Variants in SH2D4A observed in about 807,000 individuals in gnomAD.
The protein encoded by SH2D4A is SH2 domain containing 4A, also known as SH2 domain-containing protein 4A.
A neutral mutation model predicts 64.7 loss-of-function variants in SH2D4A; 70 were observed. The ratio of observed to expected loss-of-function variants is 1.08; its 90% CI spans 0.89 to 1.32. SH2D4A has a LOEUF of 1.32. Ranked by LOEUF, SH2D4A falls within the 40% of genes most tolerant of loss-of-function variation. The probability of loss-of-function intolerance (pLI) is 0.00; values close to 1 mark genes in which losing one functional copy is unlikely to be tolerated. For synonymous variants in SH2D4A, 268 were observed against 200.7 expected (o/e 1.34, Z -2.83); for missense variants, 706 against 540.1 (o/e 1.31, Z -3.04).
intron 2 of SH2D4A, among the ~76,000 whole-genome samples, chr8:19,330,046 C>CAAGA (rs1563186998): frequency 6.6e-6 from 1 of 152,166 alleles, no homozygotes; most frequent in South Asian, 2.1e-4. Context: ...CTCTAGGTTA[C>CAAGA]TTGCAGGGGA....
In SH2D4A at chr8:19,356,603, C is replaced by G. The variant is rs148150144; in HGVS notation, c.514-600C>G. Reference sequence around the variant, plus strand: ...TGGCCTGCGGCAGGCAGGAATGACACCAGGGACTTTAGGCAATGAATCTGG... The same window carrying G: ...TGGCCTGCGGCAGGCAGGAATGACAGCAGGGACTTTAGGCAATGAATCTGG... On this transcript the variant is annotated intron_variant, in intron 4 of 9. Transcript: ENST00000265807. Among the ~76,000 whole-genome samples the G allele has an allele frequency of 2.6e-5, 4 of 152,240 alleles. No individual in the cohort carries two copies. The East Asian group carries it at 5.8e-4, about 22-fold the overall frequency.
At chr8:19,379,034 A>C (rs1426568863) in intron 8 of SH2D4A, among the ~76,000 whole-genome samples, 1 of 151,150 alleles carries the variant, frequency 6.6e-6, no homozygotes, top group Non-Finnish European at 1.5e-5. Flanking sequence ...GTGAGCCAAG[A>C]TCACGCCATG....
chr8:19,389,689 G>C (rs2053454424), intron 8 of SH2D4A, among the ~76,000 whole-genome samples: 1 of 152,144 alleles, frequency 6.6e-6, no homozygotes, highest in African/African-American at 2.4e-5. Context: ...TGAAGATATA[G>C]GTCACTAAAC....
chr8:19,386,142 T>C (rs2053388098), intron 8 of SH2D4A, among the ~76,000 whole-genome samples: 1 of 152,220 alleles, frequency 6.6e-6, no homozygotes, highest in East Asian at 1.9e-4. Context: ...CTCCTTTTAG[T>C]ATGAAGGCTT....
intron 8 of SH2D4A, among the ~76,000 whole-genome samples, chr8:19,388,565 AAGG>A (rs1469824081): frequency 6.6e-6 from 1 of 152,230 alleles, no homozygotes; most frequent in Middle Eastern, 3.2e-3. Flanking sequence ...GTGAGGATAA[AAGG>A]AGGTGATACA....
chr8:19,344,869 CA>C (rs2052587680), intron 4 of SH2D4A, among the ~76,000 whole-genome samples: 2 of 152,306 alleles, frequency 1.3e-5, no homozygotes, highest in Admixed American at 1.3e-4. Context: ...ACTCTGTAAA[CA>C]AATGCTGTAG....
At position 19,334,638 on chromosome 8, in the gene SH2D4A, T is replaced by G. The variant is rs752822543; in HGVS notation, c.342-48T>G. 7 of 1,548,976 alleles carry G rather than the reference T, an allele frequency of 4.5e-6. No homozygotes were observed. The Admixed American group carries it at 1.4e-4, about 31-fold the overall frequency. On this transcript the variant is annotated intron_variant, in intron 3 of 9. Coordinates refer to ENST00000265807, the MANE Select transcript of SH2D4A (RefSeq NM_022071.4). ...TCGACATATGCTTTGGAAAGGCTCT[T>G]CCTGTTGAAGAATGTTTTTTGAGAA...
At chr8:19,391,530 G>A (rs886175807) in intron 8 of SH2D4A, among the ~76,000 whole-genome samples, 2 of 152,136 alleles carry the variant, frequency 1.3e-5, no homozygotes, top group Non-Finnish European at 2.9e-5. Flanking sequence ...CGAGGATGTT[G>A]ACTATCTGCA....
intron 2 of SH2D4A, among the ~76,000 whole-genome samples, chr8:19,326,327 G>A (rs1283209565): frequency 1.3e-5 from 2 of 152,184 alleles, no homozygotes; most frequent in East Asian, 3.9e-4. Context: ...TGGTTTCTGG[G>A]TCAGTTGAGG....
At chr8:19,388,196 A>C (rs2053422989) in intron 8 of SH2D4A, among the ~76,000 whole-genome samples, 1 of 152,234 alleles carries the variant, frequency 6.6e-6, no homozygotes, top group Non-Finnish European at 1.5e-5. Flanking sequence ...TTAAAAGCAA[A>C]ACCCCAGAAT....
intron 8 of SH2D4A, among the ~76,000 whole-genome samples, chr8:19,376,485 G>A (rs1405206922): frequency 2.0e-5 from 3 of 152,120 alleles, no homozygotes; most frequent in Non-Finnish European, 4.4e-5. Flanking sequence ...AGCTGGACAT[G>A]GTGGTGCACA....
intron 5 of SH2D4A, among the ~76,000 whole-genome samples, chr8:19,357,791 T>C (rs1055172329): frequency 1.3e-5 from 2 of 152,132 alleles, no homozygotes; most frequent in African/African-American, 4.8e-5. Flanking sequence ...GCTTCCTCCG[T>C]CGTGTGAGCT....
At position 19,319,656 on chromosome 8, in the gene SH2D4A, C is replaced by G. The variant is rs777139116; in HGVS notation, c.109C>G (p.Arg37Gly). ...CTTCAAGATGAGAGAGGAACAGATC[C>G]GACGATGGAAAGAAAGAGAAGCAGC... ...LFFKMREEQIRRWKEREAAME... is the reference protein window; with the variant it reads ...LFFKMREEQIGRWKEREAAME... The change falls in exon 2 of 10, where the codon CGA (arginine) becomes GGA (glycine). Residue 37 changes from arginine to glycine, a missense_variant. By Grantham distance (125) the Arg-to-Gly change is moderately radical. Transcript: ENST00000265807. The G allele has an allele frequency of 1.2e-6, 2 of 1,610,422 alleles. No individual in the cohort carries two copies. Among genetic ancestry groups the G allele is most frequent in the African/African-American group, 2.7e-5 (2 of 74,722 alleles).
At chr8:19,392,413 G>C (rs773000771) in intron 8 of SH2D4A, among the ~76,000 whole-genome samples, 5 of 152,174 alleles carry the variant, frequency 3.3e-5, no homozygotes, top group African/African-American at 4.8e-5. Context: ...ATTCTCTGCA[G>C]TGTGGGGCTG....
intron 8 of SH2D4A, among the ~76,000 whole-genome samples, chr8:19,391,961 G>A (rs1166567105): frequency 3.9e-5 from 6 of 152,184 alleles, no homozygotes; most frequent in Non-Finnish European, 7.3e-5. Context: ...AAGGGCACGC[G>A]TAGAACGCTG....
chr8:19,346,008 A>G (rs539767387), intron 4 of SH2D4A, among the ~76,000 whole-genome samples: 41 of 152,372 alleles, frequency 2.7e-4, no homozygotes, highest in East Asian at 5.8e-4. Flanking sequence ...ACGCATGACA[A>G]TCTTTACAGA....
rs139082199 is a variant in SH2D4A at position 19,391,198 on chromosome 8, G to A, written c.1049-2120G>A. Among the ~76,000 whole-genome samples the A allele has an allele frequency of 4.2e-3, 636 of 152,250 alleles. 4 individuals carry two copies. Among genetic ancestry groups the A allele is most frequent in the Middle Eastern group, 0.017 (5 of 294 alleles). ...GTCCCCGCATGGGCTGGTACCTGGCGCCTTGTTTCAACGTATGGTTGTCAT... is the reference window on the plus strand; with the variant it reads ...GTCCCCGCATGGGCTGGTACCTGGCACCTTGTTTCAACGTATGGTTGTCAT... On this transcript the variant is annotated intron_variant, in intron 8 of 9. Transcript: ENST00000265807.
At chr8:19,317,821 C>T (rs536096166) in intron 1 of SH2D4A, among the ~76,000 whole-genome samples, 8 of 152,094 alleles carry the variant, frequency 5.3e-5, no homozygotes, top group South Asian at 2.1e-4. Context: ...GGAGAAACAA[C>T]GTATTTGAGA....
intron 1 of SH2D4A, among the ~76,000 whole-genome samples, chr8:19,315,324 C>G (rs893876219): frequency 4.6e-5 from 7 of 152,226 alleles, no homozygotes; most frequent in Admixed American, 1.3e-4. Context: ...TATGTAGAGA[C>G]GGAGTTTTGC....
Sources: allele counts gnomAD v4.1 joint callset (sites outside exome capture counted in the v4.1 genomes callset), GRCh38; gene constraint gnomAD v4.1.1; transcripts MANE v1.5; gene names NCBI Gene and HGNC (gene_info 2026-07-23, HGNC 2026-07-21).